The following CTNNA3 variants were observed in gnomAD, a reference collection of about 807,000 sequenced individuals.
CTNNA3 encodes the protein catenin alpha 3.
CTNNA3 carries 76 observed loss-of-function variants against 95.7 expected under a neutral mutation model. The observed-to-expected ratio is 0.79, with a 90% CI of 0.66 to 0.96. CTNNA3 has a LOEUF of 0.96. Ranked by LOEUF, CTNNA3 falls within the 40% of genes least tolerant of loss-of-function variation. CTNNA3 has a pLI of 0.00. For missense variants in CTNNA3, 1,191 were observed against 1,089.8 expected (o/e 1.09, Z -1.31); for synonymous variants, 431 against 374.4 (o/e 1.15, Z -1.74).
chr10:67,559,887 G>C (rs1031678726), intron 3 of CTNNA3, among the ~76,000 whole-genome samples: 21 of 152,168 alleles, frequency 1.4e-4, no homozygotes, highest in African/African-American at 5.1e-4. Context: ...AAGGGTATCA[G>C]TGATAGAAGA....
Position 67,219,648 on chromosome 10 carries a change from G to A in CTNNA3, c.802C>T (p.Pro268Ser). Residue 268 changes from proline to serine, a missense_variant, in exon 6 of 18, where the codon CCT becomes TCT. Transcript: ENST00000433211. ...GIQNMTTPPE[P>S]QAATLGSALD... ...GCACTTCCCAGGGTTGCTGCCTGAG[G>A]TTCTGGTGGGGTTGTCATATTCTGG... 6.2e-7 allele frequency: 1 copy of A among 1,614,058 alleles called. No homozygotes were observed. The highest frequency in any genetic ancestry group is 8.5e-7 in the Non-Finnish European group (1 of 1,179,984).
chr10:67,616,505 GA>G (rs1843662291), intron 2 of CTNNA3, among the ~76,000 whole-genome samples: 1 of 151,942 alleles, frequency 6.6e-6, no homozygotes. Flanking sequence ...GCGGAGTTAA[GA>G]AATGACAAAA....
At chr10:66,249,569 C>G (rs1438208156) in intron 13 of CTNNA3, among the ~76,000 whole-genome samples, 1 of 152,078 alleles carries the variant, frequency 6.6e-6, no homozygotes, top group Non-Finnish European at 1.5e-5. Context: ...CAAATCAAAA[C>G]TATAATGAGA....
intron 11 of CTNNA3, among the ~76,000 whole-genome samples, chr10:66,435,158 C>T (rs2093327908): frequency 6.6e-6 from 1 of 152,090 alleles, no homozygotes; most frequent in South Asian, 2.1e-4. Flanking sequence ...ATGCTGGCCT[C>T]ATAAAATGAG....
intron 7 of CTNNA3, among the ~76,000 whole-genome samples, chr10:66,835,937 A>T (rs1842870885): frequency 6.6e-6 from 1 of 152,034 alleles, no homozygotes; most frequent in Non-Finnish European, 1.5e-5. Flanking sequence ...CTCCTAGGTG[A>T]TGCTGATACT....
At chr10:66,716,415 T>A (rs940267020) in intron 9 of CTNNA3, among the ~76,000 whole-genome samples, 2 of 152,192 alleles carry the variant, frequency 1.3e-5, no homozygotes, top group South Asian at 4.1e-4. Flanking sequence ...CAAAATAAGA[T>A]GTTCATCTCT....
At chr10:66,644,949 C>A (rs1239292083) in intron 9 of CTNNA3, among the ~76,000 whole-genome samples, 1 of 152,260 alleles carries the variant, frequency 6.6e-6, no homozygotes, top group Admixed American at 6.5e-5. Flanking sequence ...CACACAACCA[C>A]TAACTATTCC....
In CTNNA3 at chr10:66,233,694, G is replaced by A. The variant is rs574630135; in HGVS notation, c.1884+46776C>T. On this transcript the variant is annotated intron_variant, in intron 13 of 17. Transcript: ENST00000433211. ...GCCAAAATGTGGACCAACTTAAAAAGCAATACTATTTCACTTCTGGTGGAT... is the reference window on the plus strand; with the variant it reads ...GCCAAAATGTGGACCAACTTAAAAAACAATACTATTTCACTTCTGGTGGAT... Among the ~76,000 whole-genome samples the A allele has an allele frequency of 1.5e-4, 23 of 152,188 alleles. 1 individual carries two copies. In the South Asian group the frequency reaches 4.8e-3, roughly 32 times the overall value.
intron 13 of CTNNA3, among the ~76,000 whole-genome samples, chr10:66,169,485 C>A (rs566996213): frequency 6.6e-6 from 1 of 152,066 alleles, no homozygotes; most frequent in Admixed American, 6.5e-5. Flanking sequence ...TATAAACATG[C>A]GTGTGCAAGT....
chr10:66,333,513 T>A lies in CTNNA3; in HGVS notation c.1732+45639A>T, dbSNP rs571046083. Among the ~76,000 whole-genome samples the A allele has an allele frequency of 1.4e-4, 22 of 152,250 alleles. 1 individual carries two copies. The South Asian group carries it at 4.6e-3, about 32-fold the overall frequency. On this transcript the variant is annotated intron_variant, in intron 12 of 17. Coordinates refer to ENST00000433211, the MANE Select transcript of CTNNA3 (RefSeq NM_013266.4). ...CCAGTAGTCATTCAGGAGCAGGTTG[T>A]TTAGTTTCCATGTAGTTGAGTGGTT... is the stretch of plus-strand genomic sequence containing the variant.
intron 7 of CTNNA3, among the ~76,000 whole-genome samples, chr10:67,018,960 T>A (rs1852823214): frequency 6.6e-6 from 1 of 152,226 alleles, no homozygotes; most frequent in Non-Finnish European, 1.5e-5. Flanking sequence ...ATTTTCAGTA[T>A]CAGTTTGTTA....
intron 5 of CTNNA3, among the ~76,000 whole-genome samples, chr10:67,310,141 G>C (rs975696262): frequency 6.6e-6 from 1 of 152,120 alleles, no homozygotes; most frequent in Non-Finnish European, 1.5e-5. Flanking sequence ...AAGCTTAAAG[G>C]CTCACACCTT....
At chr10:67,259,714 T>C (rs905708960) in intron 5 of CTNNA3, among the ~76,000 whole-genome samples, 2 of 152,234 alleles carry the variant, frequency 1.3e-5, no homozygotes, top group Non-Finnish European at 2.9e-5. Context: ...TGACCCTCTA[T>C]GTTTTTGCCT....
chr10:66,254,642 A>G (rs867839239), intron 13 of CTNNA3, among the ~76,000 whole-genome samples: 18 of 152,246 alleles, frequency 1.2e-4, no homozygotes, highest in African/African-American at 3.6e-4. Context: ...CCACTTTCTG[A>G]TGCTGGGGCT....
intron 4 of CTNNA3, among the ~76,000 whole-genome samples, chr10:67,535,586 G>T (rs957467797): frequency 1.3e-5 from 2 of 152,096 alleles, no homozygotes; most frequent in African/African-American, 4.8e-5. Flanking sequence ...AGGCTACTGT[G>T]ATAGGTAAGA....
intron 12 of CTNNA3, among the ~76,000 whole-genome samples, chr10:66,373,095 A>T (rs577330742): frequency 8.5e-5 from 13 of 152,282 alleles, no homozygotes; most frequent in Non-Finnish European, 1.2e-4. Flanking sequence ...ATTATTTTTT[A>T]AAAAATAAGG....
At chr10:66,128,878 G>T (rs2082953408) in intron 13 of CTNNA3, among the ~76,000 whole-genome samples, 1 of 152,052 alleles carries the variant, frequency 6.6e-6, no homozygotes, top group African/African-American at 2.4e-5. Context: ...GAGTTTGTGT[G>T]TGTGTGTGTG....
intron 13 of CTNNA3, among the ~76,000 whole-genome samples, chr10:66,151,019 A>G (rs1404169604): frequency 6.6e-6 from 1 of 152,054 alleles, no homozygotes; most frequent in Non-Finnish European, 1.5e-5. Context: ...TACGAAGTAT[A>G]AACTGTATTT....
chr10:66,917,142 A>G (rs1416255845), intron 7 of CTNNA3, among the ~76,000 whole-genome samples: 1 of 152,196 alleles, frequency 6.6e-6, no homozygotes, highest in African/African-American at 2.4e-5. Context: ...CTTATTCACT[A>G]CTGTATCCCC....
Sources: gnomAD v4.1 joint callset for allele counts (sites outside exome capture counted in the v4.1 genomes callset) on GRCh38, gnomAD v4.1.1 for gene constraint, MANE v1.5 for transcripts, NCBI Gene and HGNC (gene_info 2026-07-23, HGNC 2026-07-21) for gene names.